Variants in KIAA0825 observed in about 807,000 individuals in gnomAD.
KIAA0825 encodes uncharacterized protein KIAA0825.
KIAA0825 carries 119 observed loss-of-function variants against 147.6 expected under a neutral mutation model. That is an observed-to-expected ratio of 0.81 (90% CI 0.69 to 0.94). KIAA0825 has a LOEUF of 0.94. Among genes scored for constraint, KIAA0825 ranks in the 40% least tolerant of loss-of-function variants. The pLI is 0.00. For missense variants in KIAA0825, 1,381 were observed against 1,472.7 expected (o/e 0.94, Z 1.02); for synonymous variants, 470 against 518.1 (o/e 0.91, Z 1.26).
rs149122413 is a variant in KIAA0825, at chr5:94,204,117, GGTCAA to G, written c.3711-49998_3711-49994del. 7.2e-4 allele frequency among the ~76,000 whole-genome samples: 110 copies of G among 152,160 alleles called. No homozygotes were observed. In the East Asian group the frequency reaches 0.016, roughly 22 times the overall value. On this transcript the variant is annotated intron_variant, in intron 20 of 20. Transcript: ENST00000682413. ...TTACAAAATCTAGGCCACAGTATAT[GGTCAA>G]GTCATTAGTTTTTCTTATTGGGGAA...
At chr5:94,613,473 A>G (rs541606254) in intron 1 of KIAA0825, among the ~76,000 whole-genome samples, 1 of 152,338 alleles carries the variant, frequency 6.6e-6, no homozygotes, top group South Asian at 2.1e-4. Context: ...TGCTGGGATT[A>G]CAGGCATGAG....
intron 20 of KIAA0825, among the ~76,000 whole-genome samples, chr5:94,194,848 A>G (rs1014602463): frequency 6.6e-6 from 1 of 152,046 alleles, no homozygotes; most frequent in Admixed American, 6.6e-5. Flanking sequence ...GCATTTAATC[A>G]CTTCTGTCTT....
At chr5:94,368,694 A>G (rs1584276867) in intron 20 of KIAA0825, among the ~76,000 whole-genome samples, 1 of 152,218 alleles carries the variant, frequency 6.6e-6, no homozygotes, top group African/African-American at 2.4e-5. Flanking sequence ...TGTATTCTCT[A>G]ACAGAATTTA....
intron 6 of KIAA0825, among the ~76,000 whole-genome samples, chr5:94,478,451 T>TCTCACACACACACACA (rs1554289711): frequency 6.2e-5 from 9 of 146,250 alleles, no homozygotes; most frequent in African/African-American, 2.3e-4. Context: ...CACATGTGCA[T>TCTCACACACACACACA]CACACACACA....
At chr5:94,328,966 G>A (rs777886158) in intron 20 of KIAA0825, among the ~76,000 whole-genome samples, 25 of 151,952 alleles carry the variant, frequency 1.6e-4, no homozygotes, top group Non-Finnish European at 5.9e-5. Flanking sequence ...TTATTGTTTT[G>A]TTAGGTGTGT....
At chr5:94,485,437 T>A (rs779413261) in intron 5 of KIAA0825, among the ~76,000 whole-genome samples, 2 of 151,794 alleles carry the variant, frequency 1.3e-5, no homozygotes, top group Non-Finnish European at 3.0e-5. Flanking sequence ...AAAGACATAC[T>A]TGGGATAATT....
At chr5:94,512,066 C>G (rs748062883) in intron 5 of KIAA0825, among the ~76,000 whole-genome samples, 1 of 151,936 alleles carries the variant, frequency 6.6e-6, no homozygotes, top group Non-Finnish European at 1.5e-5. Context: ...AATTTTCATA[C>G]TCATACATAC....
intron 20 of KIAA0825, among the ~76,000 whole-genome samples, chr5:94,378,322 T>C (rs1175375625): frequency 6.6e-6 from 1 of 152,200 alleles, no homozygotes; most frequent in East Asian, 1.9e-4. Context: ...GTTCTCAGTA[T>C]TTAGTTCCCA....
rs1422167998 is a variant in KIAA0825, at chr5:94,473,414, G to A, written c.1333C>T (p.Gln445Ter). ...GAAGACCTTTCATTCTGTTCCTGTT[G>A]GAGAATTTTTGTGGAAAAACCTTCA... ...AIEGFSTKIL[Q>*]QEQNERSSAV... The change falls in exon 8 of 21, where the codon CAA (glutamine) becomes TAA (stop). Residue 445 changes from glutamine to a stop codon, truncating the protein, a stop_gained. Transcript: ENST00000682413. LOFTEE classifies it high-confidence loss of function. 1 of 1,551,840 alleles carries A rather than the reference G, an allele frequency of 6.4e-7. No homozygotes were observed.
chr5:94,378,898 G>A (rs1272872153), intron 20 of KIAA0825, among the ~76,000 whole-genome samples: 1 of 152,122 alleles, frequency 6.6e-6, no homozygotes, highest in Admixed American at 6.5e-5. Flanking sequence ...TCATGTGTAT[G>A]TCTTCTTTGA....
chr5:94,255,004 T>G (rs919571554), intron 20 of KIAA0825, among the ~76,000 whole-genome samples: 3 of 151,936 alleles, frequency 2.0e-5, no homozygotes, highest in Non-Finnish European at 4.4e-5. Flanking sequence ...AATTAGAAAG[T>G]GTCATGTATC....
At chr5:94,216,215 G>A (rs549314616) in intron 20 of KIAA0825, among the ~76,000 whole-genome samples, 8 of 152,264 alleles carry the variant, frequency 5.3e-5, no homozygotes, top group Middle Eastern at 3.4e-3. Context: ...GTAAGTATTG[G>A]TTCTCTCCAA....
At chr5:94,567,949 C>A in intron 2 of KIAA0825, 1 of 157,558 alleles carries the variant, frequency 6.3e-6, no homozygotes, top group South Asian at 2.0e-4. Flanking sequence ...ACCCACCAAT[C>A]CAAACTCTCA....
At chr5:94,561,017 T>C (rs919604151) in intron 2 of KIAA0825, among the ~76,000 whole-genome samples, 1 of 152,188 alleles carries the variant, frequency 6.6e-6, no homozygotes, top group African/African-American at 2.4e-5. Context: ...CTAGAGAGCT[T>C]CAGGATGGGA....
intron 3 of KIAA0825, among the ~76,000 whole-genome samples, chr5:94,534,303 A>G (rs779608160): frequency 2.0e-5 from 3 of 152,228 alleles, no homozygotes; most frequent in Non-Finnish European, 2.9e-5. Flanking sequence ...AAATGAGTGC[A>G]TAAATGATTT....
intron 2 of KIAA0825, among the ~76,000 whole-genome samples, chr5:94,544,236 G>T (rs544842654): frequency 1.3e-5 from 2 of 152,272 alleles, no homozygotes; most frequent in South Asian, 4.1e-4. Flanking sequence ...AATCTGTTCT[G>T]CTTCTCATAT....
chr5:94,454,519 A>G (rs1293712361), intron 12 of KIAA0825, among the ~76,000 whole-genome samples: 1 of 152,192 alleles, frequency 6.6e-6, no homozygotes, highest in Non-Finnish European at 1.5e-5. Context: ...TCTCAGATCA[A>G]AACAGAAATT....
intron 20 of KIAA0825, among the ~76,000 whole-genome samples, chr5:94,266,933 C>T (rs904390108): frequency 6.6e-5 from 10 of 151,944 alleles, no homozygotes; most frequent in African/African-American, 2.4e-4. Flanking sequence ...GTCCTTAGGG[C>T]CAAAAATTTG....
At chr5:94,205,927 G>A (rs1315215635) in intron 20 of KIAA0825, among the ~76,000 whole-genome samples, 1 of 152,076 alleles carries the variant, frequency 6.6e-6, no homozygotes, top group Non-Finnish European at 1.5e-5. Context: ...CGATATAAAG[G>A]ATGCTTGCAC....
Sources: allele counts gnomAD v4.1 joint callset (sites outside exome capture counted in the v4.1 genomes callset), GRCh38; gene constraint gnomAD v4.1.1; transcripts MANE v1.5; gene names NCBI Gene and HGNC (gene_info 2026-07-23, HGNC 2026-07-21).